The following MTA3 variants were observed in gnomAD, a reference collection of about 807,000 sequenced individuals.
The protein encoded by MTA3 is metastasis-associated protein MTA3.
MTA3 carries 34 observed loss-of-function variants against 83.5 expected under a neutral mutation model. The observed-to-expected ratio is 0.41, with a 90% CI of 0.31 to 0.54. MTA3 has a LOEUF of 0.54. MTA3 is among the 20% of genes least tolerant of loss of function. MTA3 has a pLI of 0.33. For missense variants in MTA3, 761 were observed against 726.4 expected (o/e 1.05, Z -0.55); for synonymous variants, 303 against 252.7 (o/e 1.20, Z -1.89).
Position 42,621,149 on chromosome 2 carries a change from TA to T in MTA3, c.317+11567del, listed in dbSNP as rs1553365296. ...TTATTAGAGTTTTTTTTTTTTTTTT[TA>T]ATTGATCATTCTTGGGTGTTTCTCG... On this transcript the variant is annotated intron_variant, in intron 4 of 16. Coordinates refer to ENST00000405094, the MANE Select transcript of MTA3 (RefSeq NM_001330442.2). 6.5e-4 allele frequency among the ~76,000 whole-genome samples: 98 copies of T among 151,240 alleles called. 1 individual carries two copies. The highest frequency in any genetic ancestry group is 2.3e-3 in the African/African-American group (96 of 41,250).
intron 11 of MTA3, chr2:42,703,957 C>T (rs1182714943): frequency 5.1e-5 from 19 of 374,790 alleles, no homozygotes. Context: ...AGAGATGGGA[C>T]AGTATTTACT....
At chr2:42,564,636 A>G (rs1290996146), upstream of MTA3, among the ~76,000 whole-genome samples, 1 of 152,194 alleles carries the variant, frequency 6.6e-6, no homozygotes, top group Admixed American at 6.5e-5. Context: ...GAAATAAATC[A>G]TGGAAAACAC....
In MTA3 at chr2:42,525,475, A is replaced by ATTCCTTCCTTCCTTCCTTCCT. The variant is rs1675647362; in HGVS notation, c.-141+30223_-141+30243dup. Among the ~76,000 whole-genome samples, 8 of 135,594 alleles carry ATTCCTTCCTTCCTTCCTTCCT rather than the reference A, an allele frequency of 5.9e-5. No individual in the cohort carries two copies. The South Asian group carries it at 1.5e-3, about 26-fold the overall frequency. 89.0% of individuals were successfully genotyped at this position (135,594 alleles called of 152,430 possible). ...TCAGCCTCCCAAAGTGCTAGGATCAATTCCTTCCTTCCTTCCTTCCTTCCT... is the reference window on the plus strand; with the variant it reads ...TCAGCCTCCCAAAGTGCTAGGATCAATTCCTTCCTTCCTTCCTTCCTTTCCTTCCTTCCTTCCTTCCTTCCT... On this transcript the variant is annotated intron_variant, in intron 2 of 17. Coordinates refer to the MTA3 transcript ENST00000405592.
At position 42,644,141 on chromosome 2, in the gene MTA3, C is replaced by T. The variant is rs1010832129; in HGVS notation, c.396C>T (p.Tyr132=). 1.2e-6 allele frequency: 2 copies of T among 1,601,716 alleles called. No homozygotes were observed. The highest frequency in any genetic ancestry group is 8.5e-7 in the Non-Finnish European group (1 of 1,173,924). The part of the protein sequence containing the change: ...SYLDKEDTFF[Y]SLVYDPSLKT... ...ATATTTTTCAGGATACCTTCTTCTA[C>T]TCATTGGTCTATGACCCCTCATTGA... is the stretch of plus-strand genomic sequence containing the variant. Residue 132 remains tyrosine (Y), a synonymous_variant, in exon 6 of 17, where the codon TAC becomes TAT. Coordinates refer to ENST00000405094, the MANE Select transcript of MTA3 (RefSeq NM_001330442.2).
At chr2:42,519,681 A>C (rs545362036) in intron 2 of MTA3, among the ~76,000 whole-genome samples, 59 of 152,094 alleles carry the variant, frequency 3.9e-4, no homozygotes, top group African/African-American at 1.3e-3. Flanking sequence ...GCTGAGGATC[A>C]CTTGAGCCCA....
chr2:42,566,217 T>G (rs111841500), upstream of MTA3, among the ~76,000 whole-genome samples: 265 of 152,254 alleles, frequency 1.7e-3, 2 homozygotes, highest in African/African-American at 6.0e-3. Context: ...GCGCCTTTGC[T>G]TTTTTAAAGG....
chr2:42,752,921 T>C (rs946318035), intron 16 of MTA3, among the ~76,000 whole-genome samples: 1 of 151,618 alleles, frequency 6.6e-6, no homozygotes, highest in Non-Finnish European at 1.5e-5. Context: ...TAAACTACAT[T>C]GTGAGCCCTT....
intron 16 of MTA3, among the ~76,000 whole-genome samples, chr2:42,735,125 T>G (rs1668516505): frequency 6.6e-6 from 1 of 152,216 alleles, no homozygotes; most frequent in Non-Finnish European, 1.5e-5. Flanking sequence ...AGAACTCCCT[T>G]TAGCATTTCT....
intron 8 of MTA3, among the ~76,000 whole-genome samples, chr2:42,660,769 T>A (rs551510599): frequency 1.4e-4 from 21 of 152,344 alleles, no homozygotes; most frequent in Middle Eastern, 3.4e-3. Context: ...TTTAACTTTC[T>A]TATCATAATG....
At chr2:42,605,176 C>G (rs1230448502) in intron 3 of MTA3, among the ~76,000 whole-genome samples, 1 of 147,270 alleles carries the variant, frequency 6.8e-6, no homozygotes, top group Non-Finnish European at 1.5e-5. Context: ...AGAGGCGCCC[C>G]TCACCTCCCG....
At chr2:42,513,673 G>T (rs1412138468) in intron 2 of MTA3, among the ~76,000 whole-genome samples, 1 of 152,194 alleles carries the variant, frequency 6.6e-6, no homozygotes, top group African/African-American at 2.4e-5. Context: ...ACAAACACCA[G>T]GAGGGACATT....
intron 11 of MTA3, 199 bp from the exon 12 acceptor site, chr2:42,703,994 CT>C (rs1665841949): frequency 1.5e-5 from 8 of 525,076 alleles, no homozygotes; most frequent in Non-Finnish European, 2.3e-5. Context: ...TAAGCAATTC[CT>C]TTTTTCATAG....
chr2:42,648,003 G>C (rs1688375844), intron 6 of MTA3, among the ~76,000 whole-genome samples: 1 of 152,146 alleles, frequency 6.6e-6, no homozygotes, highest in African/African-American at 2.4e-5. Flanking sequence ...ACCACACCCA[G>C]CTAACTTTTG....
At chr2:42,713,601 TATC>T (rs1411189931) in intron 14 of MTA3, among the ~76,000 whole-genome samples, 1 of 132,608 alleles carries the variant, frequency 7.5e-6, no homozygotes, top group Non-Finnish European at 1.6e-5. Context: ...TGATAACCAT[TATC>T]ATCGTTGCCT....
At chr2:42,741,059 A>T (rs1668993613) in intron 16 of MTA3, among the ~76,000 whole-genome samples, 1 of 152,256 alleles carries the variant, frequency 6.6e-6, no homozygotes, top group Admixed American at 6.5e-5. Flanking sequence ...CTAGATCTAG[A>T]TAACTTGCTA....
At chr2:42,673,887 A>G (rs747353763) in intron 8 of MTA3, among the ~76,000 whole-genome samples, 1 of 152,250 alleles carries the variant, frequency 6.6e-6, no homozygotes, top group Non-Finnish European at 1.5e-5. Flanking sequence ...CTTATTCACA[A>G]CACTTCTGGC....
intron 7 of MTA3, among the ~76,000 whole-genome samples, chr2:42,658,067 G>A: frequency 1.5e-5 from 1 of 66,892 alleles, no homozygotes; most frequent in Non-Finnish European, 2.3e-5. Context: ...GGAAGACTCT[G>A]TCTCAAAAAA....
intron 2 of MTA3, among the ~76,000 whole-genome samples, chr2:42,513,185 C>G (rs139955291): frequency 3.9e-4 from 59 of 152,212 alleles, no homozygotes; most frequent in African/African-American, 1.3e-3. Flanking sequence ...GTTGGCAAGC[C>G]CTTTGTTACA....
chr2:42,665,771 T>C (rs2104390641), intron 8 of MTA3, among the ~76,000 whole-genome samples: 1 of 152,328 alleles, frequency 6.6e-6, no homozygotes, highest in South Asian at 2.1e-4. Context: ...ATGCGCCTTC[T>C]AGAGAAGACT....
Sources: allele counts gnomAD v4.1 joint callset (sites outside exome capture counted in the v4.1 genomes callset), GRCh38; gene constraint gnomAD v4.1.1; transcripts MANE v1.5; gene names NCBI Gene and HGNC (gene_info 2026-07-23, HGNC 2026-07-21).